COL4A3: variants seen among roughly 807,000 people sequenced by gnomAD.
The protein encoded by COL4A3 is collagen alpha-3(IV) chain.
COL4A3 carries 135 observed loss-of-function variants against 217.4 expected under a neutral mutation model. The observed-to-expected ratio is 0.62, with a 90% CI of 0.54 to 0.72. The LOEUF (loss-of-function observed/expected upper bound fraction) is 0.72. Among genes scored for constraint, COL4A3 ranks in the 30% least tolerant of loss-of-function variants. COL4A3 has a pLI of 0.00. For missense variants in COL4A3, 1,868 were observed against 2,119.9 expected, an observed-to-expected ratio of 0.88 and a Z score of 2.33; for synonymous variants, 690 against 736.3, an observed-to-expected ratio of 0.94 and a Z score of 1.02.
In COL4A3 at chr2:227,179,398, A is replaced by T. The variant is rs187699088; in HGVS notation, c.87+14585A>T. Among the ~76,000 whole-genome samples, 1,224 of 152,338 alleles carry T rather than the reference A, an allele frequency of 8.0e-3. 17 individuals are homozygous for T. The highest frequency in any genetic ancestry group is 0.028 in the African/African-American group (1,167 of 41,574). ...TTCATGAGACTTAAAAAAAGCATCA[A>T]TTAATTACTTTTATTTACTGAAATA... On this transcript the variant is annotated intron_variant, in intron 1 of 51. Transcript: ENST00000396578.
rs367827576 is a variant in COL4A3 at position 227,213,977 on chromosome 2, A to G, written c.88-23991A>G. 3.3e-5 allele frequency among the ~76,000 whole-genome samples: 5 copies of G among 152,210 alleles called. No homozygotes were observed. The East Asian group carries it at 7.7e-4, about 23-fold the overall frequency. On this transcript the variant is annotated intron_variant, in intron 1 of 51. Transcript: ENST00000396578. The stretch of plus-strand genomic sequence containing the variant: ...AAGAAAATTACAGATCAAATATTAC[A>G]ATGCATATTAGGAATCAGCAGAGGT...
Position 227,308,927 on chromosome 2 carries a change from T to C in COL4A3, c.4491T>C (p.Phe1497=). ...LGTLGSCLQR[F]TTMPFLFCNV... ...CTCTTGGCAGCTGCCTGCAGCGATT[T>C]ACCACAATGCCATTCTTATTCTGCA... The change falls in exon 49 of 52, where the codon TTT becomes TTC. Residue 1497 remains phenylalanine (F), a synonymous_variant. Coordinates refer to ENST00000396578, the MANE Select transcript of COL4A3 (RefSeq NM_000091.5). The C allele has an allele frequency of 6.2e-7, 1 of 1,614,190 alleles. No individual in the cohort carries two copies. The highest frequency in any genetic ancestry group is 8.5e-7 in the Non-Finnish European group (1 of 1,180,042).
chr2:227,291,549 C>T (rs1468588858), intron 37 of COL4A3, among the ~76,000 whole-genome samples: 3 of 122,100 alleles, frequency 2.5e-5, no homozygotes, highest in African/African-American at 1.0e-4. Flanking sequence ...GGAGACACAG[C>T]GAGACTCCGT....
chr2:227,248,957 C>T (rs1574682826), intron 9 of COL4A3, among the ~76,000 whole-genome samples: 1 of 151,384 alleles, frequency 6.6e-6, no homozygotes, highest in East Asian at 1.9e-4. Flanking sequence ...TATTTAAATG[C>T]AACTCTCTCC....
intron 1 of COL4A3, among the ~76,000 whole-genome samples, chr2:227,177,243 A>G (rs6436658): frequency 0.65 from 97,561 of 149,508 alleles, 31,801 homozygotes; most frequent in Admixed American, 0.75. Context: ...TCCGCCTCCC[A>G]GGTTCACACC....
At chr2:227,290,913 T>C (rs2106211312) in intron 37 of COL4A3, 27 bp downstream of exon 37, 1 of 1,600,654 alleles carries the variant, frequency 6.2e-7, no homozygotes, top group Non-Finnish European at 8.5e-7. Flanking sequence ...AATATTTACA[T>C]TTTAGTGGTG....
At chr2:227,204,911 G>A (rs768149231) in intron 1 of COL4A3, among the ~76,000 whole-genome samples, 1 of 152,168 alleles carries the variant, frequency 6.6e-6, no homozygotes, top group Admixed American at 6.5e-5. Flanking sequence ...CTGGTCATAT[G>A]CGTGGGCACA....
intron 1 of COL4A3, among the ~76,000 whole-genome samples, chr2:227,175,902 A>T (rs141549746): frequency 3.9e-5 from 6 of 152,328 alleles, no homozygotes; most frequent in African/African-American, 1.4e-4. Flanking sequence ...TGATGGAAAC[A>T]TTCTTCTTTC....
rs2069664995 is a variant in COL4A3, at chr2:227,250,361, T to C, written c.547-779T>C. ...GATGATAGATAGATAGATAGATAGATAGATAGATAGATAGATAGATAGATA... is the reference window on the plus strand; with the variant it reads ...GATGATAGATAGATAGATAGATAGACAGATAGATAGATAGATAGATAGATA... On this transcript the variant is annotated intron_variant, in intron 9 of 51. Coordinates refer to ENST00000396578, the MANE Select transcript of COL4A3 (RefSeq NM_000091.5). This position sits in a 1 kb window ranked among gnomAD's most constrained non-coding sequence, Gnocchi z 4.1. 6.6e-6 allele frequency among the ~76,000 whole-genome samples: 1 copy of C among 151,426 alleles called. No homozygotes were observed. Among genetic ancestry groups the C allele is most frequent in the African/African-American group, 2.4e-5 (1 of 41,162 alleles).
Position 227,263,916 on chromosome 2 carries a change from AG to A in COL4A3, c.1289del (p.Gly430AspfsTer28), listed in dbSNP as rs1356804805. 6.2e-7 allele frequency: 1 copy of A among 1,614,210 alleles called. No homozygotes were observed. Among genetic ancestry groups the A allele is most frequent in the South Asian group, 1.1e-5 (1 of 91,086 alleles). On this transcript the variant is annotated frameshift_variant, in exon 21 of 52. Transcript: ENST00000396578. LOFTEE classifies it high-confidence loss of function. ...GTTGTGCTGGTTCACCAGGTCTTCC[AG>A]GATCACCGGGACCTCCAGGACCGCC... ...PGCAGSPGLP[G>X]SPGPPGPPGD...
chr2:227,263,767 T>G lies in COL4A3; in HGVS notation c.1151-13T>G. 1.2e-6 allele frequency: 2 copies of G among 1,610,692 alleles called. No homozygotes were observed. Among genetic ancestry groups the G allele is most frequent in the Non-Finnish European group, 1.7e-6 (2 of 1,178,204 alleles). ...AAAAATGTAAAATACAAGAAATGAT[T>G]ATTTTCTCCAAGGATCATCAAGGCC... On this transcript the variant is annotated splice_polypyrimidine_tract_variant and intron_variant, in intron 20 of 51. Transcript: ENST00000396578.
At chr2:227,183,176 T>C (rs2065911145) in intron 1 of COL4A3, among the ~76,000 whole-genome samples, 1 of 152,190 alleles carries the variant, frequency 6.6e-6, no homozygotes, top group Non-Finnish European at 1.5e-5. Context: ...ACTTTTTGTT[T>C]CTAAAATCAG....
chr2:227,206,643 G>A (rs575376751), intron 1 of COL4A3, among the ~76,000 whole-genome samples: 7 of 150,224 alleles, frequency 4.7e-5, no homozygotes, highest in African/African-American at 1.7e-4. Flanking sequence ...TGTCAGAAAT[G>A]CAGACTCTCA....
chr2:227,193,476 G>A (rs1040470486), intron 1 of COL4A3, among the ~76,000 whole-genome samples: 2 of 152,160 alleles, frequency 1.3e-5, no homozygotes, highest in African/African-American at 4.8e-5. Flanking sequence ...CACTTGGGGA[G>A]GCCGAGGTGG....
Position 227,280,930 on chromosome 2 carries a change from A to AC in COL4A3, c.2417dup (p.Gly807ArgfsTer28), listed in dbSNP as rs1440033157. 15 of 1,564,502 alleles carry AC rather than the reference A, an allele frequency of 9.6e-6. No homozygotes were observed. The highest frequency in any genetic ancestry group is 1.2e-5 in the Non-Finnish European group (14 of 1,153,848). ...AGCCTGGACCACCTGGAGAACAAGG[A>AC]CCCCCAGGAAGGTGCATAGAGGGTC... On this transcript the variant is annotated frameshift_variant, in exon 31 of 52. Transcript: ENST00000396578. LOFTEE classifies it high-confidence loss of function.
At position 227,253,618 on chromosome 2, in the gene COL4A3, A is replaced by G. The variant is rs976897521; in HGVS notation, c.745A>G (p.Thr249Ala). 4.3e-6 allele frequency: 7 copies of G among 1,613,862 alleles called. No homozygotes were observed. The highest frequency in any genetic ancestry group is 5.9e-6 in the Non-Finnish European group (7 of 1,179,890). ...GPPGTVIVTLTGPDNRTDLKG... is the reference protein window; with the variant it reads ...GPPGTVIVTLAGPDNRTDLKG... ...ACCAGGAACAGTTATTGTGACCCTA[A>G]CTGGCCCAGATAACAGAACGGTAAC... is the stretch of plus-strand genomic sequence containing the variant. The change falls in exon 13 of 52, where the codon ACT becomes GCT. Residue 249 changes from threonine (T) to alanine (A), a missense_variant. By Grantham distance (58) the Thr-to-Ala change is moderately conservative (BLOSUM62 0). This residue lies in a region of COL4A3 where 365 missense variants were observed against 333.8 expected (regional missense o/e 1.09). Transcript: ENST00000396578. The surrounding 1 kb of genome is among the most constrained non-coding windows in gnomAD (Gnocchi z 4.4).
intron 34 of COL4A3, among the ~76,000 whole-genome samples, chr2:227,287,133 C>T (rs1428088358): frequency 2.0e-5 from 3 of 152,134 alleles, no homozygotes; most frequent in Non-Finnish European, 4.4e-5. Context: ...TTTTAACAAC[C>T]TTTTAAAAAT....
intron 35 of COL4A3, among the ~76,000 whole-genome samples, chr2:227,289,692 G>A (rs927317862): frequency 1.1e-4 from 17 of 152,176 alleles, no homozygotes; most frequent in African/African-American, 3.9e-4. Context: ...TAACACTTCA[G>A]GATGCAGTTG....
intron 42 of COL4A3, 86 bp downstream of exon 42, chr2:227,297,945 G>A: frequency 7.1e-7 from 1 of 1,418,056 alleles, no homozygotes; most frequent in Non-Finnish European, 9.7e-7. Flanking sequence ...ATGTTACCTT[G>A]TTGCTTCTTC....
Sources: allele counts gnomAD v4.1 joint callset (sites outside exome capture counted in the v4.1 genomes callset), GRCh38; gene constraint gnomAD v4.1.1; regional missense constraint gnomAD v4.1.1; non-coding constraint Gnocchi (gnomAD v3.1); transcripts MANE v1.5; gene names NCBI Gene and HGNC (gene_info 2026-07-23, HGNC 2026-07-21).